Variants in KLHL4 observed in about 807,000 individuals in gnomAD.
KLHL4 encodes kelch-like protein 4.
Under a neutral mutation model 45.8 loss-of-function variants are expected in KLHL4, and 17 were observed. The ratio of observed to expected loss-of-function variants is 0.37; its 90% confidence interval spans 0.25 to 0.56. The LOEUF is 0.56. Ranked by LOEUF, KLHL4 falls within the 20% of genes least tolerant of loss-of-function variation. The probability of loss-of-function intolerance (pLI) is 0.79; values close to 1 mark genes in which losing one functional copy is unlikely to be tolerated. For missense variants in KLHL4, 544 were observed against 544.9 expected, an observed-to-expected ratio of 1.00 and a Z score of 0.02; for synonymous variants, 224 against 189.9, an observed-to-expected ratio of 1.18 and a Z score of -1.47.
At chrX:87,594,360 T>TAA (rs1249852172) in intron 1 of KLHL4, among the ~76,000 whole-genome samples, 1 of 111,962 alleles carries the variant, frequency 8.9e-6, no homozygotes, top group Admixed American at 9.5e-5. Flanking sequence ...AGAGTGAAGA[T>TAA]GAATTTGAGT....
At chrX:87,602,969 TC>T (rs1275451828) in intron 1 of KLHL4, among the ~76,000 whole-genome samples, 1 of 111,800 alleles carries the variant, frequency 8.9e-6, no homozygotes, top group Non-Finnish European at 1.9e-5. Flanking sequence ...ATTAAAATTG[TC>T]TTTTAAATCA....
At chrX:87,578,300 T>A (rs1000950909) in intron 1 of KLHL4, among the ~76,000 whole-genome samples, 1 of 111,990 alleles carries the variant, frequency 8.9e-6, no homozygotes, top group Admixed American at 9.5e-5. Flanking sequence ...AGTGAATTTA[T>A]GGAATGGTAA....
At chrX:87,629,059 G>A (rs1425756052) in intron 6 of KLHL4, among the ~76,000 whole-genome samples, 2 of 111,778 alleles carry the variant, frequency 1.8e-5, no homozygotes, top group Non-Finnish European at 3.8e-5. Context: ...GTCGCTTTTG[G>A]AACATTTGTA....
At chrX:87,614,394 T>C in intron 2 of KLHL4, 40 bp from the exon 3 acceptor site, 2 of 1,171,928 alleles carry the variant, frequency 1.7e-6, no homozygotes, top group Non-Finnish European at 2.3e-6. Flanking sequence ...AGTGAAATTA[T>C]TGACTCATTT....
chrX:87,533,288 A>G (rs1229433959), intron 1 of KLHL4, among the ~76,000 whole-genome samples: 2 of 101,436 alleles, frequency 2.0e-5, no homozygotes, highest in Non-Finnish European at 4.0e-5. Flanking sequence ...ACAATAGCAA[A>G]GACTTGGAAC....
chrX:87,667,633 T>G lies in KLHL4; in HGVS notation c.*1099T>G, dbSNP rs1476983566. On this transcript the variant is annotated 3_prime_UTR_variant, in exon 11 of 11. Transcript: ENST00000373119. ...TTGTTAAGTTTTAAAATAACAAAAA[T>G]GGCTAGTTGAATAGTATTTTATGTG... 1 of 576,478 alleles carries G rather than the reference T, an allele frequency of 1.7e-6. No homozygotes were observed. Among genetic ancestry groups the G allele is most frequent in the South Asian group, 9.2e-5 (1 of 10,928 alleles). 47.5% of individuals were successfully genotyped at this position (576,478 alleles called of 1,213,427 possible).
At chrX:87,608,310 T>C (rs1421383693) in intron 1 of KLHL4, among the ~76,000 whole-genome samples, 1 of 111,649 alleles carries the variant, frequency 9.0e-6, no homozygotes, top group Non-Finnish European at 1.9e-5. Flanking sequence ...AATCACATCA[T>C]GCTACTTCTG....
chrX:87,554,514 CTGTT>C lies in KLHL4; in HGVS notation c.422+36203_422+36206del, dbSNP rs1185156398. ...GGGAGTTCACTCATGATTTGGCTCT[CTGTT>C]TGTCTGTTATTGGTGTATAAGAATG... On this transcript the variant is annotated intron_variant, in intron 1 of 10. Coordinates refer to ENST00000373119, the MANE Select transcript of KLHL4 (RefSeq NM_019117.5). Among the ~76,000 whole-genome samples the C allele has an allele frequency of 3.3e-4, 31 of 94,485 alleles. 1 individual carries two copies. The highest frequency in any genetic ancestry group is 1.1e-3 in the African/African-American group (28 of 25,261). 82.0% of individuals were successfully genotyped at this position (94,485 alleles called of 115,157 possible). A position where few individuals can be genotyped will look rare whatever the true frequency, so the allele number is the denominator to read the frequency against.
intron 1 of KLHL4, among the ~76,000 whole-genome samples, chrX:87,537,546 A>G (rs1931460545): frequency 9.0e-6 from 1 of 110,925 alleles, no homozygotes; most frequent in Admixed American, 9.7e-5. Flanking sequence ...ACACACATAT[A>G]CATACACACT....
chrX:87,612,246 G>T (rs1188017203), intron 1 of KLHL4, among the ~76,000 whole-genome samples: 1 of 111,612 alleles, frequency 9.0e-6, no homozygotes, highest in Non-Finnish European at 1.9e-5. Flanking sequence ...GCAAGTTTCG[G>T]TCTTTAAAAG....
chrX:87,581,318 T>C (rs377412011), intron 1 of KLHL4, among the ~76,000 whole-genome samples: 11 of 112,254 alleles, frequency 9.8e-5, no homozygotes, highest in East Asian at 2.8e-4. Flanking sequence ...GCCAAACCAA[T>C]TGGGGGCTGA....
At chrX:87,655,003 C>G (rs190940751) in intron 9 of KLHL4, among the ~76,000 whole-genome samples, 4 of 111,486 alleles carry the variant, frequency 3.6e-5, no homozygotes, top group Non-Finnish European at 7.5e-5. Flanking sequence ...TTGAGTTTTT[C>G]TCATTATGAC....
At chrX:87,587,631 T>C (rs1402033225) in intron 1 of KLHL4, among the ~76,000 whole-genome samples, 1 of 110,990 alleles carries the variant, frequency 9.0e-6, no homozygotes, top group Non-Finnish European at 1.9e-5. Context: ...CTAAAACAAC[T>C]GGGGATAGAG....
intron 1 of KLHL4, among the ~76,000 whole-genome samples, chrX:87,526,129 G>A (rs781110346): frequency 1.8e-5 from 2 of 111,862 alleles, no homozygotes; most frequent in Admixed American, 9.5e-5. Context: ...TGAGACTTAG[G>A]TGTCCTTTTC....
At chrX:87,572,413 T>C (rs1932351762) in intron 1 of KLHL4, among the ~76,000 whole-genome samples, 1 of 110,930 alleles carries the variant, frequency 9.0e-6, no homozygotes, top group African/African-American at 3.3e-5. Flanking sequence ...AAGAGCTCTC[T>C]CTCTCTTTCT....
In KLHL4 at chrX:87,518,116, G is replaced by A. The variant is rs887065019; in HGVS notation, c.223G>A (p.Ala75Thr). ...CAGTCCTGTCCACCACAATATACTG[G>A]CACCAGTGCCAGGACCGGCCCCTGC... ...SNSPVHHNIL[A>T]PVPGPAPAHQ... Residue 75 changes from alanine (A) to threonine (T), a missense_variant, in exon 1 of 11, where the codon GCA becomes ACA. Transcript: ENST00000373119. The A allele has an allele frequency of 8.3e-7, 1 of 1,211,410 alleles. No individual in the cohort carries two copies.
At chrX:87,658,897 C>A (rs1362250517) in intron 9 of KLHL4, among the ~76,000 whole-genome samples, 1 of 110,907 alleles carries the variant, frequency 9.0e-6, no homozygotes, top group Non-Finnish European at 1.9e-5. Flanking sequence ...TTGCTTTACT[C>A]TTCTTGCTTA....
chrX:87,654,503 G>A (rs1602467312), intron 9 of KLHL4, among the ~76,000 whole-genome samples: 1 of 111,470 alleles, frequency 9.0e-6, no homozygotes, highest in African/African-American at 3.3e-5. Flanking sequence ...GTGTGTGTGT[G>A]TGTGTGTTTG....
chrX:87,524,012 A>AT (rs1208496892), intron 1 of KLHL4, among the ~76,000 whole-genome samples: 74 of 111,482 alleles, frequency 6.6e-4, no homozygotes, highest in African/African-American at 1.8e-3. Context: ...AAAAAAGACA[A>AT]TTTTTTTGTG....
Sources: allele counts gnomAD v4.1 joint callset (sites outside exome capture counted in the v4.1 genomes callset), GRCh38; gene constraint gnomAD v4.1.1; transcripts MANE v1.5; gene names NCBI Gene and HGNC (gene_info 2026-07-23, HGNC 2026-07-21).